TPRG1: variants seen among roughly 807,000 people sequenced by gnomAD.
TPRG1 encodes the protein tumor protein p63-regulated gene 1 protein.
In TPRG1, 29 loss-of-function variants were observed where a neutral mutation model predicts 29.3. The ratio of observed to expected loss-of-function variants is 0.99; its 90% CI spans 0.74 to 1.35. TPRG1 has a LOEUF of 1.35. Among genes scored for constraint, TPRG1 ranks in the 40% most tolerant of loss-of-function variants. The pLI is 0.00. For missense variants in TPRG1, 327 were observed against 335.0 expected, an observed-to-expected ratio of 0.98 and a Z score of 0.19; for synonymous variants, 130 against 116.8, an observed-to-expected ratio of 1.11 and a Z score of -0.73.
At chr3:189,221,739 G>A (rs1736967771) in intron 3 of TPRG1, among the ~76,000 whole-genome samples, 3 of 152,218 alleles carry the variant, frequency 2.0e-5, no homozygotes, top group Admixed American at 1.3e-4. Context: ...TCCCCAAAGT[G>A]ACACTGTGTG....
Position 189,238,855 on chromosome 3 carries a change from C to T in TPRG1, c.425C>T (p.Ala142Val). 6.2e-7 allele frequency: 1 copy of T among 1,613,668 alleles called. No individual in the cohort carries two copies. The highest frequency in any genetic ancestry group is 8.5e-7 in the Non-Finnish European group (1 of 1,179,702). Residue 142 changes from alanine to valine, a missense_variant, in exon 4 of 6, where the codon GCT (alanine) becomes GTT (valine). Coordinates refer to ENST00000345063, the MANE Select transcript of TPRG1 (RefSeq NM_198485.4). ...CVQLQRIPLS[A>V]VYRICLGKFT... ...CAGCTGCAGCGGATTCCTCTGAGCG[C>T]TGTCTATCGCATCTGCCTGGGCAAG...
At chr3:189,115,299 A>T (rs1163513674) in intron 1 of TPRG1, among the ~76,000 whole-genome samples, 1 of 152,218 alleles carries the variant, frequency 6.6e-6, no homozygotes, top group African/African-American at 2.4e-5. Context: ...AAACTTCAAC[A>T]TATTGGCGCA....
intron 4 of TPRG1, among the ~76,000 whole-genome samples, chr3:189,293,411 C>T (rs1035769717): frequency 1.3e-5 from 2 of 152,078 alleles, no homozygotes; most frequent in Non-Finnish European, 2.9e-5. Flanking sequence ...ACCTGGATAA[C>T]TAAAGGCTCT....
At chr3:189,029,339 C>T (rs551141487) in intron 4 of TPRG1, among the ~76,000 whole-genome samples, 33 of 152,198 alleles carry the variant, frequency 2.2e-4, no homozygotes, top group African/African-American at 7.5e-4. Flanking sequence ...ATAAAAAGAG[C>T]AGGGAATAAA....
chr3:189,167,285 G>A (rs1728280471), upstream of TPRG1, among the ~76,000 whole-genome samples: 2 of 152,180 alleles, frequency 1.3e-5, no homozygotes, highest in Admixed American at 1.3e-4. Context: ...AGCAAGATGG[G>A]GAAGGGTGAT....
intron 4 of TPRG1, among the ~76,000 whole-genome samples, chr3:189,071,382 T>C (rs966365606): frequency 1.3e-5 from 2 of 152,144 alleles, no homozygotes; most frequent in Non-Finnish European, 2.9e-5. Flanking sequence ...TGTTCATCCA[T>C]TTTATACTTA....
intron 1 of TPRG1, among the ~76,000 whole-genome samples, chr3:189,196,743 T>C (rs1335516942): frequency 1.3e-5 from 2 of 152,206 alleles, no homozygotes; most frequent in African/African-American, 2.4e-5. Flanking sequence ...TCTTATTTTA[T>C]GATAATTCAT....
chr3:189,291,401 A>G (rs185912696), intron 4 of TPRG1, among the ~76,000 whole-genome samples: 95 of 152,332 alleles, frequency 6.2e-4, no homozygotes, highest in Admixed American at 2.0e-3. Flanking sequence ...AAATGGAGAT[A>G]ATAATATAGC....
intron 3 of TPRG1, chr3:189,219,738 A>G: frequency 8.4e-7 from 1 of 1,185,384 alleles, no homozygotes; most frequent in African/African-American, 1.6e-5. Flanking sequence ...CACACACGTT[A>G]GTGTGAAGTG....
intron 3 of TPRG1, among the ~76,000 whole-genome samples, chr3:189,222,923 G>A (rs7629347): frequency 0.036 from 5,529 of 151,976 alleles, 337 homozygotes; most frequent in African/African-American, 0.13. Context: ...CTGCTAACCC[G>A]GCCTTCTCCT....
At chr3:189,069,603 C>T (rs2152151394) in intron 4 of TPRG1, among the ~76,000 whole-genome samples, 1 of 152,128 alleles carries the variant, frequency 6.6e-6, no homozygotes, top group South Asian at 2.1e-4. Context: ...AAAGAAAAGC[C>T]CTTGCAAATA....
At chr3:189,124,279 T>C (rs931193987) in intron 1 of TPRG1, among the ~76,000 whole-genome samples, 5 of 152,080 alleles carry the variant, frequency 3.3e-5, no homozygotes, top group Admixed American at 3.3e-4. Context: ...CTTGTGGCAA[T>C]AAAACATAGT....
At chr3:189,169,506 G>A (rs1481426356), upstream of TPRG1, among the ~76,000 whole-genome samples, 1 of 152,180 alleles carries the variant, frequency 6.6e-6, no homozygotes, top group Non-Finnish European at 1.5e-5. Context: ...ACAGGACACA[G>A]AGAGAAATGA....
intron 5 of TPRG1, chr3:189,150,949 G>C (rs904343018): frequency 6.6e-6 from 1 of 152,132 alleles, no homozygotes; most frequent in African/African-American, 2.4e-5. Flanking sequence ...GTAAGACTCG[G>C]TGCAAGAAGA....
rs1489570139 is a variant in TPRG1 at position 188,999,715 on chromosome 3, TATA to T, written c.-1015-1055_-1015-1053del. ...TATTTATTACTTTTTTTATTGGCTG[TATA>T]ATATTTGATTATGTAAATGTATTAA... On this transcript the variant is annotated intron_variant, in intron 1 of 10. Transcript: ENST00000433971. Among the ~76,000 whole-genome samples the T allele has an allele frequency of 2.6e-5, 4 of 152,298 alleles. 1 individual carries two copies. In the South Asian group the frequency reaches 8.3e-4, roughly 32 times the overall value.
chr3:189,086,836 G>C (rs6782520), intron 4 of TPRG1, among the ~76,000 whole-genome samples: 24,396 of 152,096 alleles, frequency 0.16, 3,725 homozygotes, highest in African/African-American at 0.4. Flanking sequence ...AGGACATGAA[G>C]TCATCCTTTT....
intron 4 of TPRG1, among the ~76,000 whole-genome samples, chr3:189,038,950 A>G (rs183116714): frequency 6.8e-4 from 104 of 152,350 alleles, no homozygotes; most frequent in African/African-American, 1.7e-3. Context: ...GGTAAAAATG[A>G]GAAAGTCAGA....
At chr3:189,197,810 C>G (rs1352643086) in intron 1 of TPRG1, among the ~76,000 whole-genome samples, 3 of 152,116 alleles carry the variant, frequency 2.0e-5, no homozygotes, top group African/African-American at 7.2e-5. Context: ...ATTTGTTATT[C>G]TGAAAAGAGA....
chr3:189,239,663 G>C (rs942759101), intron 4 of TPRG1, among the ~76,000 whole-genome samples: 1 of 152,192 alleles, frequency 6.6e-6, no homozygotes, highest in African/African-American at 2.4e-5. Flanking sequence ...TTCCAAAGCG[G>C]TAGCTAAAAA....
Sources: allele counts gnomAD v4.1 joint callset (sites outside exome capture counted in the v4.1 genomes callset), GRCh38; gene constraint gnomAD v4.1.1; transcripts MANE v1.5; gene names NCBI Gene and HGNC (gene_info 2026-07-23, HGNC 2026-07-21).